Variants in SAFB2 observed in about 807,000 individuals in gnomAD.
SAFB2 encodes scaffold attachment factor B2.
Under a neutral mutation model 100.6 loss-of-function variants are expected in SAFB2, and 32 were observed. The observed-to-expected ratio is 0.32, with a 90% confidence interval of 0.24 to 0.43. The LOEUF is 0.43. SAFB2 is among the 20% of genes least tolerant of loss of function. The probability of loss-of-function intolerance (pLI) is 1.00; values close to 1 mark genes in which losing one functional copy is unlikely to be tolerated. For synonymous variants in SAFB2, 500 were observed against 439.4 expected (o/e 1.14, Z -1.72); for missense variants, 1,185 against 1,163.4 (o/e 1.02, Z -0.27).
chr19:5,600,217 T>C lies in SAFB2; in HGVS notation c.1603A>G (p.Lys535Glu), dbSNP rs146495537. 3.0e-5 allele frequency: 48 copies of C among 1,613,816 alleles called. No homozygotes were observed. Among genetic ancestry groups the C allele is most frequent in the African/African-American group, 2.7e-4 (20 of 74,982 alleles). The change falls in exon 12 of 21, where the codon AAA becomes GAA. Residue 535 changes from lysine to glutamate, a missense_variant. By Grantham distance (56) the Lys-to-Glu change is moderately conservative (BLOSUM62 1). Coordinates refer to ENST00000252542, the MANE Select transcript of SAFB2 (RefSeq NM_014649.3). ...TCCTTCTTAATGTCTTCAGGCTTTT[T>C]TTCCTCCTTCTTCTCAATCTTCTCT... ...KEEKIEKKEEKKPEDIKKEEK... is the reference protein window; with the variant it reads ...KEEKIEKKEEEKPEDIKKEEK...
intron 2 of SAFB2, among the ~76,000 whole-genome samples, chr19:5,618,560 T>C (rs1469211744): frequency 6.6e-6 from 1 of 152,248 alleles, no homozygotes; most frequent in African/African-American, 2.4e-5. Context: ...CACGAGAATT[T>C]GGTTGAGCTC....
chr19:5,599,513 T>G (rs1245130858), intron 12 of SAFB2, among the ~76,000 whole-genome samples: 1 of 152,230 alleles, frequency 6.6e-6, no homozygotes, highest in African/African-American at 2.4e-5. Context: ...GCTTGTAATG[T>G]GCTGTACCAA....
Position 5,612,579 on chromosome 19 carries a change from A to T in SAFB2, c.607-12T>A. Reference sequence around the variant, plus strand: ...GATTCTTCAATGTCCTATTTAAAAAAGAAAAAGCAAATCCACAAGTCACTT... The same window carrying T: ...GATTCTTCAATGTCCTATTTAAAAATGAAAAAGCAAATCCACAAGTCACTT... On this transcript the variant is annotated splice_polypyrimidine_tract_variant and intron_variant, in intron 5 of 20. Transcript: ENST00000252542. 6.2e-7 allele frequency: 1 copy of T among 1,611,602 alleles called. No homozygotes were observed.
chr19:5,587,639 A>G lies in SAFB2; in HGVS notation c.2705+62T>C. ...CCCAGCCAGCTGATCAAACATGCAA[A>G]AAAGGGAGAGGAAGTGAGGAGCAGG... is the stretch of plus-strand genomic sequence containing the variant. On this transcript the variant is annotated intron_variant, in intron 20 of 20. Transcript: ENST00000252542. This position sits in a 1 kb window ranked among gnomAD's most constrained non-coding sequence, Gnocchi z 4.9. The G allele has an allele frequency of 6.7e-7, 1 of 1,492,884 alleles. No individual in the cohort carries two copies. 92.5% of individuals were successfully genotyped at this position (1,492,884 alleles called of 1,614,324 possible).
chr19:5,587,575 G>C lies in SAFB2; in HGVS notation c.2705+126C>G. On this transcript the variant is annotated intron_variant, in intron 20 of 20. Coordinates refer to ENST00000252542, the MANE Select transcript of SAFB2 (RefSeq NM_014649.3). This position sits in a 1 kb window ranked among gnomAD's most constrained non-coding sequence, Gnocchi z 4.9. ...CTCAAGAGCGTTATTTGCATAAATT[G>C]CAAAGAGCTGCTTTTTGCTTTGTTT... 2.1e-6 allele frequency: 3 copies of C among 1,449,272 alleles called. No individual in the cohort carries two copies. In the South Asian group the frequency reaches 4.3e-5, roughly 21 times the overall value. The allele number at this position is 1,449,272 out of a possible 1,614,324, so 89.8% of individuals were successfully genotyped here. A position where few individuals can be genotyped will look rare whatever the true frequency, so the allele number is the denominator to read the frequency against.
At chr19:5,614,405 C>T (rs903736669) in intron 4 of SAFB2, among the ~76,000 whole-genome samples, 1 of 152,190 alleles carries the variant, frequency 6.6e-6, no homozygotes, top group African/African-American at 2.4e-5. Flanking sequence ...CAAATATTTT[C>T]TTTTTTCCTT....
At chr19:5,612,602 C>T in intron 5 of SAFB2, 35 bp from the exon 6 acceptor site, 1 of 1,578,244 alleles carries the variant, frequency 6.3e-7, no homozygotes, top group Non-Finnish European at 8.7e-7. Context: ...CCACAAGTCA[C>T]TTTAAACACG....
intron 2 of SAFB2, among the ~76,000 whole-genome samples, chr19:5,617,627 G>C (rs1351266239): frequency 6.6e-6 from 1 of 152,116 alleles, no homozygotes; most frequent in African/African-American, 2.4e-5. Context: ...GCAATGTCTG[G>C]AGACATTGTT....
intron 14 of SAFB2, among the ~76,000 whole-genome samples, chr19:5,594,984 GACT>G (rs769682110): frequency 6.6e-6 from 1 of 152,108 alleles, no homozygotes; most frequent in African/African-American, 2.4e-5. Context: ...GAGTAGCTGG[GACT>G]ACAAGTGCAC....
At chr19:5,610,205 T>C in intron 8 of SAFB2, 110 bp from the exon 9 acceptor site, 1 of 819,234 alleles carries the variant, frequency 1.2e-6, no homozygotes, top group Non-Finnish European at 2.0e-6. Context: ...CAATCCCAAC[T>C]GCTGACTTAA....
At chr19:5,595,608 G>A in intron 13 of SAFB2, 111 bp from the exon 14 acceptor site, 3 of 1,348,732 alleles carry the variant, frequency 2.2e-6, no homozygotes, top group Non-Finnish European at 3.0e-6. Flanking sequence ...ACATGGTGTA[G>A]ATGGAAGGCT....
At chr19:5,593,316 G>GAACT (rs1568208473) in intron 15 of SAFB2, among the ~76,000 whole-genome samples, 1 of 152,258 alleles carries the variant, frequency 6.6e-6, no homozygotes, top group Non-Finnish European at 1.5e-5. Flanking sequence ...GGGTGATAGT[G>GAACT]AACTACACAC....
intron 11 of SAFB2, among the ~76,000 whole-genome samples, chr19:5,601,147 T>TA (rs1308273527): frequency 1.8e-4 from 28 of 152,198 alleles, no homozygotes; most frequent in Admixed American, 1.3e-4. Flanking sequence ...GAGTTGTCTT[T>TA]AAAAAAAATA....
At chr19:5,622,415 C>G in intron 1 of SAFB2, 115 bp downstream of exon 1, 1 of 1,103,190 alleles carries the variant, frequency 9.1e-7, no homozygotes. Flanking sequence ...GAACCGGGGT[C>G]GGCCAAGACG....
intron 2 of SAFB2, among the ~76,000 whole-genome samples, chr19:5,620,669 G>A (rs1599286351): frequency 6.6e-6 from 1 of 152,208 alleles, no homozygotes; most frequent in Non-Finnish European, 1.5e-5. Flanking sequence ...GGGGCTGGAG[G>A]GAGAAAAGTA....
intron 4 of SAFB2, among the ~76,000 whole-genome samples, chr19:5,614,081 G>A (rs541158065): frequency 8.5e-5 from 13 of 152,230 alleles, no homozygotes; most frequent in Non-Finnish European, 8.8e-5. Context: ...AGCCTCCCGA[G>A]GAGCTAGGAT....
chr19:5,588,971 C>A (rs575387614), intron 18 of SAFB2: 1 of 152,232 alleles, frequency 6.6e-6, no homozygotes, highest in African/African-American at 2.4e-5. Flanking sequence ...TCACAGTGGC[C>A]GTGCAGGAAA....
chr19:5,600,654 A>T (rs1409460214), intron 11 of SAFB2, among the ~76,000 whole-genome samples: 1 of 152,170 alleles, frequency 6.6e-6, no homozygotes, highest in Admixed American at 6.5e-5. Flanking sequence ...AGGGAAAAGC[A>T]TTTCTTCCCA....
Position 5,621,385 on chromosome 19 carries a change from T to C in SAFB2, c.198A>G (p.Glu66=). 1.2e-6 allele frequency: 2 copies of C among 1,611,230 alleles called. No individual in the cohort carries two copies. The highest frequency in any genetic ancestry group is 1.7e-6 in the Non-Finnish European group (2 of 1,177,330). ...CAATTTCATCAGGATCTTGCCCCTC[T>C]TCTTTAACCGCCTATTAGGGAGAGA... The part of the protein sequence containing the change: ...LMERLKKAVK[E]EGQDPDEIGI... Residue 66 remains glutamate, a synonymous_variant, in exon 2 of 21, where the codon GAA becomes GAG. Transcript: ENST00000252542.
Sources: gnomAD v4.1 joint callset for allele counts (sites outside exome capture counted in the v4.1 genomes callset) on GRCh38, gnomAD v4.1.1 for gene constraint, Gnocchi (gnomAD v3.1) non-coding constraint, MANE v1.5 for transcripts, NCBI Gene and HGNC (gene_info 2026-07-23, HGNC 2026-07-21) for gene names.